BRS3: variants seen among roughly 807,000 people sequenced by gnomAD.
BRS3 encodes bombesin receptor subtype 3.
A neutral mutation model predicts 18.8 loss-of-function variants in BRS3; 5 were observed. The ratio of observed to expected loss-of-function variants is 0.27; its 90% CI spans 0.14 to 0.56. The LOEUF is 0.56. BRS3 is among the 20% of genes least tolerant of loss of function. The probability of loss-of-function intolerance (pLI) is 0.93; values close to 1 mark genes in which losing one functional copy is unlikely to be tolerated. For missense variants in BRS3, 215 were observed against 296.3 expected (o/e 0.73, Z 2.01); for synonymous variants, 121 against 115.0 (o/e 1.05, Z -0.33).
At chrX:136,491,254 C>T (rs1430496763) in intron 2 of BRS3, among the ~76,000 whole-genome samples, 1 of 112,083 alleles carries the variant, frequency 8.9e-6, no homozygotes, top group Admixed American at 9.4e-5. Flanking sequence ...TAGAGCTAGT[C>T]CATTCAGTTA....
In BRS3 at chrX:136,492,544, C is replaced by T. The variant is rs756123841; in HGVS notation, c.*169C>T. The T allele has an allele frequency of 3.2e-4, 140 of 443,017 alleles. No homozygotes were observed. The highest frequency in any genetic ancestry group is 4.5e-4 in the Non-Finnish European group (129 of 286,774). The allele number at this position is 443,017 out of a possible 1,213,427, so 36.5% of individuals were successfully genotyped here. ...ACAAACCATTACTTTCTTCAAAGTA[C>T]AAATAGTAATGTCATCGGGCTTTCT... On this transcript the variant is annotated 3_prime_UTR_variant, in exon 3 of 3. Coordinates refer to ENST00000370648, the MANE Select transcript of BRS3 (RefSeq NM_001727.2).
chrX:136,488,854 C>G (rs769808588), intron 1 of BRS3, among the ~76,000 whole-genome samples: 28 of 111,532 alleles, frequency 2.5e-4, no homozygotes, highest in African/African-American at 8.5e-4. Flanking sequence ...GCAAATTGTT[C>G]CAGGTGTAAA....
chrX:136,488,373 AC>A lies in BRS3; in HGVS notation c.261del (p.Ser88AlafsTer11). Reference protein sequence around the residue: ...SMQTVPNIFITSLAFGDLLLL... With the variant: ...SMQTVPNIFIXSLAFGDLLLL... ...GCAAACAGTTCCAAATATTTTCATCACCAGCCTGGCTTTTGGAGATCTTTTA... is the reference window on the plus strand; with the variant it reads ...GCAAACAGTTCCAAATATTTTCATCACAGCCTGGCTTTTGGAGATCTTTTA... On this transcript the variant is annotated frameshift_variant, in exon 1 of 3. Coordinates refer to ENST00000370648, the MANE Select transcript of BRS3 (RefSeq NM_001727.2). LOFTEE classifies it high-confidence loss of function. 1 of 1,211,932 alleles carries A rather than the reference AC, an allele frequency of 8.3e-7. No homozygotes were observed. The highest frequency in any genetic ancestry group is 1.1e-6 in the Non-Finnish European group (1 of 895,580).
chrX:136,488,613 G>A (rs2075660290), intron 1 of BRS3, 65 bp downstream of exon 1: 1 of 1,059,888 alleles, frequency 9.4e-7, no homozygotes, highest in Non-Finnish European at 1.3e-6. Context: ...AGGAAAGCTT[G>A]TACTTAGCAT....
At chrX:136,490,508 C>A (rs922874303) in intron 2 of BRS3, 24 bp downstream of exon 2, 2 of 1,066,811 alleles carry the variant, frequency 1.9e-6, no homozygotes, top group Non-Finnish European at 2.5e-6. Flanking sequence ...AGTACTCATG[C>A]AAATCTAGTT....
chrX:136,488,053 G>A lies in BRS3; in HGVS notation c.-62G>A, dbSNP rs755312035. On this transcript the variant is annotated 5_prime_UTR_variant, in exon 1 of 3. The change creates a new upstream start codon in the 5' untranslated region. Transcript: ENST00000370648. ...TCGTTACTAGACGTAGGCATTGGACGTGACAATCAACTGCATTTGAACTGA... is the reference window on the plus strand; with the variant it reads ...TCGTTACTAGACGTAGGCATTGGACATGACAATCAACTGCATTTGAACTGA... The A allele has an allele frequency of 8.4e-6, 9 of 1,067,958 alleles. No homozygotes were observed. The highest frequency in any genetic ancestry group is 1.1e-5 in the Non-Finnish European group (9 of 791,635). 88.0% of individuals were successfully genotyped at this position (1,067,958 alleles called of 1,213,427 possible).
At chrX:136,490,982 A>G (rs1393122347) in intron 2 of BRS3, among the ~76,000 whole-genome samples, 1 of 111,902 alleles carries the variant, frequency 8.9e-6, no homozygotes, top group African/African-American at 3.3e-5. Flanking sequence ...CCACTTACAC[A>G]CAGATGAGCA....
intron 1 of BRS3, among the ~76,000 whole-genome samples, chrX:136,489,363 T>C (rs568788968): frequency 8.9e-6 from 1 of 112,149 alleles, no homozygotes; most frequent in South Asian, 3.7e-4. Flanking sequence ...AAGTAATCGA[T>C]GTTTGGCAGT....
In BRS3 at chrX:136,488,525, A is replaced by G. The variant is rs745440379; in HGVS notation, c.411A>G (p.Thr137=). Residue 137 remains threonine (T), a synonymous_variant, in exon 1 of 3, where the codon ACA becomes ACG. Coordinates refer to ENST00000370648, the MANE Select transcript of BRS3 (RefSeq NM_001727.2). ...CTTCTGTTGGTGTGTCAGTGTTCAC[A>G]TTAACAATTCTCAGCGCTGACAGGT... is the stretch of plus-strand genomic sequence containing the variant. ...RLTSVGVSVF[T]LTILSADRYK... The G allele has an allele frequency of 1.7e-6, 2 of 1,204,354 alleles. No homozygotes were observed. The highest frequency in any genetic ancestry group is 5.9e-5 in the East Asian group (2 of 33,673).
Position 136,492,045 on chromosome X carries a change from G to A in BRS3, c.870G>A (p.Leu290=). 8.3e-7 allele frequency: 1 copy of A among 1,202,752 alleles called. No homozygotes were observed. Among genetic ancestry groups the A allele is most frequent in the East Asian group, 3.0e-5 (1 of 33,375 alleles). ...TCTGCTGGTTGCCAAATCACCTCCT[G>A]TACCTCTACCATTCATTCACTTCTC... ...FALCWLPNHL[L]YLYHSFTSQT... is the part of the protein sequence containing the mutation. Residue 290 remains leucine, a synonymous_variant, in exon 3 of 3, where the codon CTG becomes CTA. Transcript: ENST00000370648.
rs970887526 is a variant in BRS3, at chrX:136,493,024, T to C, written c.*649T>C. 8.9e-6 allele frequency: 1 copy of C among 112,463 alleles called. No individual in the cohort carries two copies. The highest frequency in any genetic ancestry group is 3.2e-5 in the African/African-American group (1 of 30,909). The allele number at this position is 112,463 out of a possible 1,213,427, so 9.3% of individuals were successfully genotyped here. Reference sequence around the variant, plus strand: ...CTTACAACTGCCATGGATTAATAACTGGGCTAAGTTATCATTCACAAATAT... The same window carrying C: ...CTTACAACTGCCATGGATTAATAACCGGGCTAAGTTATCATTCACAAATAT... On this transcript the variant is annotated 3_prime_UTR_variant, in exon 3 of 3. Transcript: ENST00000370648.
Position 136,492,410 on chromosome X carries a change from G to A in BRS3, c.*35G>A, listed in dbSNP as rs201091511. The A allele has an allele frequency of 5.0e-4, 587 of 1,163,774 alleles. No homozygotes were observed. The highest frequency in any genetic ancestry group is 6.3e-4 in the Non-Finnish European group (548 of 869,430). ...GAAAAATGCTGCTTCTCCTCCCAGC[G>A]TGTGTATCCGACTCTAAGCTGTGTG... On this transcript the variant is annotated 3_prime_UTR_variant, in exon 3 of 3. Coordinates refer to ENST00000370648, the MANE Select transcript of BRS3 (RefSeq NM_001727.2).
rs774341968 is a variant in BRS3 at position 136,492,328 on chromosome X, A to G, written c.1153A>G (p.Thr385Ala). 7 of 1,208,575 alleles carry G rather than the reference A, an allele frequency of 5.8e-6. No homozygotes were observed. Among genetic ancestry groups the G allele is most frequent in the Non-Finnish European group, 7.8e-6 (7 of 894,909 alleles). Residue 385 changes from threonine (T) to alanine (A), a missense_variant, in exon 3 of 3, where the codon ACC becomes GCC. Transcript: ENST00000370648. ...GSIQMSEISV[T>A]SFTGCSVKQA... Reference sequence around the variant, plus strand: ...CATACAGATGTCTGAAATTAGTGTGACCTCGTTCACTGGGTGTAGTGTGAA... The same window carrying G: ...CATACAGATGTCTGAAATTAGTGTGGCCTCGTTCACTGGGTGTAGTGTGAA...
Position 136,493,402 on chromosome X carries a change from C to A in BRS3, c.*1027C>A, listed in dbSNP as rs1424756145. 1 of 110,533 alleles carries A rather than the reference C, an allele frequency of 9.0e-6. No individual in the cohort carries two copies. Among genetic ancestry groups the A allele is most frequent in the Non-Finnish European group, 1.9e-5 (1 of 52,954 alleles). 9.1% of individuals were successfully genotyped at this position (110,533 alleles called of 1,213,427 possible). On this transcript the variant is annotated 3_prime_UTR_variant, in exon 3 of 3. Transcript: ENST00000370648. Reference sequence around the variant, plus strand: ...TGTGCTCCTACCTGCTAACATCATTCACTTGTTAATAATTATTGTTTTAAA... The same window carrying A: ...TGTGCTCCTACCTGCTAACATCATTAACTTGTTAATAATTATTGTTTTAAA...
In BRS3 at chrX:136,491,942, T is replaced by TTTTTAA; in HGVS notation, c.787-20_787-19insTTTTAA. 1.9e-6 allele frequency: 1 copy of TTTTTAA among 535,101 alleles called. No homozygotes were observed. Among genetic ancestry groups the TTTTTAA allele is most frequent in the Non-Finnish European group, 2.6e-6 (1 of 384,136 alleles). 44.1% of individuals were successfully genotyped at this position (535,101 alleles called of 1,213,427 possible). ...TTTTTTTTTTTTTTTTTTTTTTTGC[T>TTTTTAA]ATGTTTCTTCCCCCTATAGATTGAA... is the stretch of plus-strand genomic sequence containing the variant. On this transcript the variant is annotated intron_variant, in intron 2 of 2. Transcript: ENST00000370648.
In BRS3 at chrX:136,492,235, G is replaced by T. The variant is rs765196841; in HGVS notation, c.1060G>T (p.Glu354Ter). ...GTTCTGTTGCAAGGCGGAGCGGCCT[G>T]AGCCTCCTGTTGCTGACACCTCTCT... Reference protein sequence around the residue: ...QLFCCKAERPEPPVADTSLTT... With the variant: ...QLFCCKAERP The change falls in exon 3 of 3, where the codon GAG (glutamate) becomes TAG (stop). Residue 354 changes from glutamate (E) to a stop codon, truncating the protein, a stop_gained. Coordinates refer to ENST00000370648, the MANE Select transcript of BRS3 (RefSeq NM_001727.2). LOFTEE classifies it high-confidence loss of function. The T allele has an allele frequency of 8.3e-7, 1 of 1,211,815 alleles. No individual in the cohort carries two copies. The highest frequency in any genetic ancestry group is 3.0e-5 in the East Asian group (1 of 33,855).
intron 2 of BRS3, among the ~76,000 whole-genome samples, chrX:136,491,675 G>T (rs1012050322): frequency 4.5e-5 from 5 of 111,038 alleles, no homozygotes; most frequent in Non-Finnish European, 9.4e-5. Context: ...TAGGGGGAAA[G>T]GTATCTCTGA....
At chrX:136,491,926 T>TG (rs2075671730) in intron 2 of BRS3, 36 bp from the exon 3 acceptor site, 2 of 664,280 alleles carry the variant, frequency 3.0e-6, no homozygotes, top group African/African-American at 2.8e-5. Context: ...TTTTTTTTTT[T>TG]TTTTTTTTTT....
chrX:136,489,605 G>A (rs1265873110), intron 1 of BRS3, among the ~76,000 whole-genome samples: 1 of 111,165 alleles, frequency 9.0e-6, no homozygotes, highest in Admixed American at 9.6e-5. Flanking sequence ...GATCAGGTTG[G>A]GCAACGAATT....
Sources: gnomAD v4.1 joint callset for allele counts (sites outside exome capture counted in the v4.1 genomes callset) on GRCh38, gnomAD v4.1.1 for gene constraint, MANE v1.5 for transcripts, NCBI Gene and HGNC (gene_info 2026-07-23, HGNC 2026-07-21) for gene names.